DNAH6: variants seen among roughly 807,000 people sequenced by gnomAD.
DNAH6 encodes dynein axonemal heavy chain 6.
Under a neutral mutation model 491.4 loss-of-function variants are expected in DNAH6, and 340 were observed. The observed-to-expected ratio is 0.69, with a 90% CI of 0.63 to 0.76. The LOEUF (loss-of-function observed/expected upper bound fraction) is 0.76. Among genes scored for constraint, DNAH6 ranks in the 30% least tolerant of loss-of-function variants. The pLI, the probability that DNAH6 is intolerant of heterozygous loss-of-function variation, is 0.00. For synonymous variants in DNAH6, 1,603 were observed against 1,686.1 expected, an observed-to-expected ratio of 0.95 and a Z score of 1.21; for missense variants, 4,443 against 4,972.2, an observed-to-expected ratio of 0.89 and a Z score of 3.20.
At chr2:84,477,618 T>A in the DNAH6 span, among the ~76,000 whole-genome samples, 6 of 152,324 alleles carry the variant, frequency 3.9e-5, no homozygotes, top group South Asian at 1.0e-3. Flanking sequence ...CATGGACACA[T>A]TGACTCACAT....
intron 62 of DNAH6, among the ~76,000 whole-genome samples, chr2:84,736,677 C>G (rs562548921): frequency 6.6e-6 from 1 of 152,150 alleles, no homozygotes; most frequent in South Asian, 2.1e-4. Flanking sequence ...TTTGTACATT[C>G]ATTTTATATC....
chr2:84,695,141 A>C (rs1181724127), intron 46 of DNAH6, among the ~76,000 whole-genome samples: 1 of 152,178 alleles, frequency 6.6e-6, no homozygotes, highest in Non-Finnish European at 1.5e-5. Context: ...ATCTTATTAT[A>C]AAAATACTTA....
At chr2:84,509,244 G>T in the DNAH6 span, among the ~76,000 whole-genome samples, 3 of 152,156 alleles carry the variant, frequency 2.0e-5, no homozygotes, top group African/African-American at 7.2e-5. Flanking sequence ...TTATGAATCT[G>T]GGTGCTCCTG....
intron 9 of DNAH6, among the ~76,000 whole-genome samples, chr2:84,551,646 C>G (rs1314183035): frequency 3.3e-5 from 5 of 152,122 alleles, no homozygotes; most frequent in African/African-American, 7.2e-5. Context: ...GAAAAAAATT[C>G]CTAGATGTGG....
intron 63 of DNAH6, among the ~76,000 whole-genome samples, chr2:84,757,707 C>T (rs960021096): frequency 3.3e-5 from 5 of 152,186 alleles, no homozygotes; most frequent in Admixed American, 2.6e-4. Flanking sequence ...CCACCTAATA[C>T]GAAAGTGGGA....
At chr2:84,767,036 C>G (rs1168660314) in intron 64 of DNAH6, among the ~76,000 whole-genome samples, 1 of 152,024 alleles carries the variant, frequency 6.6e-6, no homozygotes, top group Non-Finnish European at 1.5e-5. Flanking sequence ...ATTTTAGCTG[C>G]ACAAGGAAAT....
At chr2:84,715,763 A>G (rs749137146) in intron 58 of DNAH6, 136 bp downstream of exon 58, 22 of 795,630 alleles carry the variant, frequency 2.8e-5, no homozygotes, top group African/African-American at 8.8e-5. Context: ...AAAAAAATAC[A>G]AGTAAGTGGC....
At chr2:84,514,415 A>T (rs1253245328), upstream of DNAH6, among the ~76,000 whole-genome samples, 1 of 152,200 alleles carries the variant, frequency 6.6e-6, no homozygotes, top group Non-Finnish European at 1.5e-5. Flanking sequence ...ACATAAGGTT[A>T]TTGCAATGAT....
chr2:84,788,905 A>G (rs775691444), intron 68 of DNAH6, among the ~76,000 whole-genome samples: 5 of 152,202 alleles, frequency 3.3e-5, no homozygotes, highest in South Asian at 2.1e-4. Context: ...TTGGATCTTC[A>G]TCTATGTTGA....
chr2:84,569,746 T>C (rs1238298339), intron 11 of DNAH6, among the ~76,000 whole-genome samples: 5 of 152,210 alleles, frequency 3.3e-5, no homozygotes, highest in African/African-American at 1.2e-4. Flanking sequence ...ACTTTCTGTG[T>C]ATTTTATTTA....
chr2:84,468,316 G>A, the DNAH6 span, among the ~76,000 whole-genome samples: 15 of 152,122 alleles, frequency 9.9e-5, no homozygotes, highest in Admixed American at 1.3e-4. Context: ...TTCATTTGCC[G>A]GTTTTTAAGT....
At position 84,548,354 on chromosome 2, in the gene DNAH6, A is replaced by G. The variant is rs768433275; in HGVS notation, c.1253A>G (p.Asp418Gly). 9 of 1,613,954 alleles carry G rather than the reference A, an allele frequency of 5.6e-6. No individual in the cohort carries two copies. Among genetic ancestry groups the G allele is most frequent in the Non-Finnish European group, 7.6e-6 (9 of 1,179,916 alleles). The change falls in exon 8 of 77, where the codon GAC becomes GGC. Residue 418 changes from aspartate to glycine, a missense_variant. Asp to Gly is a moderately conservative substitution (Grantham distance 94, BLOSUM62 -1). This residue lies in a region of DNAH6 where 2,977 missense variants were observed against 3,296.6 expected (regional missense o/e 0.90). Coordinates refer to ENST00000389394, the MANE Select transcript of DNAH6 (RefSeq NM_001370.2). ...CCACATGAGTTGCCCACTTATGGAG[A>G]CTCTGAGAAAATGACATATACAGAA... ...NTPHELPTYG[D>G]SEKMTYTEQA...
At chr2:84,496,670 G>T in the DNAH6 span, among the ~76,000 whole-genome samples, 2 of 152,044 alleles carry the variant, frequency 1.3e-5, no homozygotes, top group Non-Finnish European at 2.9e-5. Context: ...TGATTTTGAG[G>T]TCTAATACTA....
the DNAH6 span, among the ~76,000 whole-genome samples, chr2:84,507,229 T>C: frequency 2.0e-5 from 3 of 152,236 alleles, no homozygotes; most frequent in Non-Finnish European, 4.4e-5. Flanking sequence ...GTTTGTATCC[T>C]CTTTTATTTC....
chr2:84,810,166 C>A (rs1352565013), intron 72 of DNAH6, among the ~76,000 whole-genome samples: 1 of 152,170 alleles, frequency 6.6e-6, no homozygotes, highest in Non-Finnish European at 1.5e-5. Flanking sequence ...AAGGCCCCAT[C>A]ATCTCAGGTC....
rs143120776 is a variant in DNAH6, at chr2:84,717,568, TG to T, written c.9612-628del. On this transcript the variant is annotated intron_variant, in intron 58 of 76. Coordinates refer to ENST00000389394, the MANE Select transcript of DNAH6 (RefSeq NM_001370.2). ...GATGATAACCACAGTGCCCACCTTA[TG>T]GGGGGGGCATTCAAAGGATTAATAG... 2.2e-3 allele frequency among the ~76,000 whole-genome samples: 338 copies of T among 151,760 alleles called. 1 individual carries two copies. The highest frequency in any genetic ancestry group is 0.014 in the Middle Eastern group (4 of 294).
chr2:84,611,790 A>C lies in DNAH6; in HGVS notation c.3411A>C (p.Ser1137=). The C allele has an allele frequency of 6.4e-7, 1 of 1,551,270 alleles. No individual in the cohort carries two copies. Among genetic ancestry groups the C allele is most frequent in the South Asian group, 1.2e-5 (1 of 84,034 alleles). ...AGATGTTCCTTCAGGTGGATAAGTC[A>C]TGGAAAGAAATCATGAGAAAGGTGA... ...EAKMFLQVDK[S]WKEIMRKVNR... The change falls in exon 22 of 77, where the codon TCA becomes TCC. Residue 1137 remains serine (S), a synonymous_variant. Transcript: ENST00000389394.
intron 62 of DNAH6, among the ~76,000 whole-genome samples, chr2:84,737,866 G>A (rs1179178087): frequency 3.3e-5 from 5 of 151,670 alleles, no homozygotes; most frequent in Non-Finnish European, 5.9e-5. Flanking sequence ...TATTTCTTCT[G>A]CTAGTTTGGA....
At chr2:84,750,456 A>G (rs1394483560) in intron 63 of DNAH6, among the ~76,000 whole-genome samples, 1 of 152,136 alleles carries the variant, frequency 6.6e-6, no homozygotes, top group African/African-American at 2.4e-5. Flanking sequence ...AAGTGCTGGG[A>G]TTACAAGTGT....
Sources: allele counts gnomAD v4.1 joint callset (sites outside exome capture counted in the v4.1 genomes callset), GRCh38; gene constraint gnomAD v4.1.1; regional missense constraint gnomAD v4.1.1; transcripts MANE v1.5; gene names NCBI Gene and HGNC (gene_info 2026-07-23, HGNC 2026-07-21).